SERGEF: variants seen among roughly 807,000 people sequenced by gnomAD.
The protein encoded by SERGEF is secretion regulating guanine nucleotide exchange factor, also known as secretion-regulating guanine nucleotide exchange factor.
A neutral mutation model predicts 50.0 loss-of-function variants in SERGEF; 51 were observed. That is an observed-to-expected ratio of 1.02 (90% confidence interval 0.81 to 1.29). The LOEUF is 1.29. Among genes scored for constraint, SERGEF ranks in the 50% most tolerant of loss-of-function variants. The pLI is 0.00. For missense variants in SERGEF, 521 were observed against 557.0 expected (o/e 0.94, Z 0.65); for synonymous variants, 205 against 212.4 (o/e 0.97, Z 0.30).
intron 10 of SERGEF, among the ~76,000 whole-genome samples, chr11:17,788,956 G>C (rs1274375354): frequency 6.6e-6 from 1 of 152,174 alleles, no homozygotes; most frequent in African/African-American, 2.4e-5. Flanking sequence ...GCCTTTCCAT[G>C]GTCCTTAAGG....
At chr11:17,904,328 G>A (rs1353624299) in intron 9 of SERGEF, among the ~76,000 whole-genome samples, 1 of 152,174 alleles carries the variant, frequency 6.6e-6, no homozygotes, top group Admixed American at 6.5e-5. Context: ...GAGGACTAAA[G>A]TCTACTCTTA....
At chr11:17,903,196 T>A (rs930945433) in intron 9 of SERGEF, among the ~76,000 whole-genome samples, 2 of 152,162 alleles carry the variant, frequency 1.3e-5, no homozygotes, top group African/African-American at 2.4e-5. Context: ...AATTCAAAAT[T>A]TATTCTAAAC....
chr11:17,930,314 A>G (rs1161199447), intron 9 of SERGEF, among the ~76,000 whole-genome samples: 1 of 152,216 alleles, frequency 6.6e-6, no homozygotes, highest in Admixed American at 6.5e-5. Context: ...TGACAACACC[A>G]AGGCAGGGCC....
At chr11:17,936,979 C>A (rs1291870593) in intron 9 of SERGEF, among the ~76,000 whole-genome samples, 1 of 152,014 alleles carries the variant, frequency 6.6e-6, no homozygotes, top group East Asian at 1.9e-4. Flanking sequence ...GATTTAAGCA[C>A]AAAGATGCTG....
chr11:17,959,244 G>A (rs549467364), intron 9 of SERGEF, among the ~76,000 whole-genome samples: 3 of 152,246 alleles, frequency 2.0e-5, no homozygotes, highest in African/African-American at 4.8e-5. Flanking sequence ...TAGATCCAAA[G>A]TACTTTGAAC....
In SERGEF at chr11:17,875,233, A is replaced by G. The variant is rs149952959; in HGVS notation, c.1048+2975T>C. ...TTTTGGAAGTCAGGCAGACAGCTCT[A>G]CTATTTATTGCTGTAACCGTAGGAC... On this transcript the variant is annotated intron_variant, in intron 10 of 10. Coordinates refer to ENST00000265965, the MANE Select transcript of SERGEF (RefSeq NM_012139.4). 2.2e-4 allele frequency among the ~76,000 whole-genome samples: 33 copies of G among 152,314 alleles called. 1 individual carries two copies. The highest frequency in any genetic ancestry group is 7.5e-4 in the African/African-American group (31 of 41,568).
chr11:17,941,013 A>G (rs1282845273), intron 9 of SERGEF, among the ~76,000 whole-genome samples: 1 of 152,214 alleles, frequency 6.6e-6, no homozygotes, highest in African/African-American at 2.4e-5. Context: ...AACATACAGA[A>G]AAGCTTAAAT....
At chr11:17,960,524 C>A (rs1022884585) in intron 8 of SERGEF, among the ~76,000 whole-genome samples, 9 of 152,202 alleles carry the variant, frequency 5.9e-5, no homozygotes, top group Non-Finnish European at 1.2e-4. Flanking sequence ...TGTATAAATT[C>A]TTTATACATG....
chr11:17,850,542 T>C (rs1367899737), intron 10 of SERGEF, among the ~76,000 whole-genome samples: 1 of 152,240 alleles, frequency 6.6e-6, no homozygotes, highest in Non-Finnish European at 1.5e-5. Flanking sequence ...CAAGATCCTC[T>C]GTCACTTAAA....
chr11:17,955,760 G>A (rs1171796308), intron 9 of SERGEF, among the ~76,000 whole-genome samples: 4 of 152,180 alleles, frequency 2.6e-5, no homozygotes, highest in Non-Finnish European at 4.4e-5. Flanking sequence ...AGGAGGGCTT[G>A]GGGACAAGAA....
chr11:17,802,825 T>G (rs2283249), intron 10 of SERGEF, among the ~76,000 whole-genome samples: 38,561 of 151,584 alleles, frequency 0.25, 5,083 homozygotes, highest in South Asian at 0.39. Context: ...AATTTCATCC[T>G]TTCATTCTCT....
At chr11:17,843,909 A>G (rs1439214552) in intron 10 of SERGEF, among the ~76,000 whole-genome samples, 1 of 152,230 alleles carries the variant, frequency 6.6e-6, no homozygotes, top group Non-Finnish European at 1.5e-5. Flanking sequence ...AGGGAAGACA[A>G]CTACTCAAAA....
At chr11:17,799,021 T>A (rs746448928) in intron 10 of SERGEF, among the ~76,000 whole-genome samples, 11 of 152,174 alleles carry the variant, frequency 7.2e-5, no homozygotes, top group Non-Finnish European at 1.3e-4. Flanking sequence ...ACACAGCACC[T>A]TCGGATCTGA....
chr11:17,957,725 T>G (rs930837802), intron 9 of SERGEF, among the ~76,000 whole-genome samples: 1 of 148,308 alleles, frequency 6.7e-6, no homozygotes, highest in African/African-American at 2.5e-5. Context: ...CAACAGAGAT[T>G]CACTAGTGGT....
intron 10 of SERGEF, chr11:17,856,693 T>G (rs375438156): frequency 1.3e-5 from 2 of 152,212 alleles, no homozygotes; most frequent in African/African-American, 4.8e-5. Flanking sequence ...TACCTTACTG[T>G]TGATGTAAAG....
intron 10 of SERGEF, among the ~76,000 whole-genome samples, chr11:17,815,176 G>C (rs1430352640): frequency 6.6e-6 from 1 of 152,062 alleles, no homozygotes; most frequent in African/African-American, 2.4e-5. Flanking sequence ...GACAGAATGA[G>C]ATCCATCTCT....
rs564517794 is a variant in SERGEF, at chr11:17,942,886, T to C, written c.1011+16584A>G. Among the ~76,000 whole-genome samples, 53 of 152,298 alleles carry C rather than the reference T, an allele frequency of 3.5e-4. No homozygotes were observed. In the South Asian group the frequency reaches 8.1e-3, roughly 23 times the overall value. ...TGGTTTTTCTCCTTTATTTTGTTAATACATGATGAATTAAATTGATTTTCA... is the reference window on the plus strand; with the variant it reads ...TGGTTTTTCTCCTTTATTTTGTTAACACATGATGAATTAAATTGATTTTCA... On this transcript the variant is annotated intron_variant, in intron 9 of 10. Coordinates refer to ENST00000265965, the MANE Select transcript of SERGEF (RefSeq NM_012139.4).
chr11:17,823,246 C>T (rs1373317348), intron 10 of SERGEF, among the ~76,000 whole-genome samples: 1 of 152,096 alleles, frequency 6.6e-6, no homozygotes, highest in Non-Finnish European at 1.5e-5. Context: ...AGGAGGAAGA[C>T]CACAGAGGTG....
chr11:17,920,054 T>C (rs1852124068), intron 9 of SERGEF, among the ~76,000 whole-genome samples: 1 of 151,688 alleles, frequency 6.6e-6, no homozygotes, highest in Non-Finnish European at 1.5e-5. Context: ...GAGACTATCC[T>C]GGCTAAAACG....
Sources: gnomAD v4.1 joint callset for allele counts (sites outside exome capture counted in the v4.1 genomes callset) on GRCh38, gnomAD v4.1.1 for gene constraint, MANE v1.5 for transcripts, NCBI Gene and HGNC (gene_info 2026-07-23, HGNC 2026-07-21) for gene names.